CTSB: variants seen among roughly 807,000 people sequenced by gnomAD.
CTSB encodes APP secretase.
A neutral mutation model predicts 44.3 loss-of-function variants in CTSB; 57 were observed. The ratio of observed to expected loss-of-function variants is 1.29; its 90% CI spans 1.04 to 1.60. The LOEUF (loss-of-function observed/expected upper bound fraction) is 1.60. Among genes scored for constraint, CTSB ranks in the 40% most tolerant of loss-of-function variants. The probability of loss-of-function intolerance (pLI) is 0.00; values close to 1 mark genes in which losing one functional copy is unlikely to be tolerated. For synonymous variants in CTSB, 320 were observed against 168.0 expected (o/e 1.91, Z -7.00); for missense variants, 768 against 443.0 (o/e 1.73, Z -6.59).
intron 9 of CTSB, 66 bp from the exon 10 acceptor site, chr8:11,845,288 C>G: frequency 8.3e-7 from 1 of 1,197,874 alleles, no homozygotes; most frequent in Non-Finnish European, 1.2e-6. Context: ...CAGACTCATC[C>G]TTAAAAGACC....
intron 1 of CTSB, among the ~76,000 whole-genome samples, chr8:11,861,982 C>T (rs1450576816): frequency 3.3e-5 from 5 of 151,936 alleles, no homozygotes; most frequent in African/African-American, 9.7e-5. Context: ...CTGAGGTGGG[C>T]GAATCACGAG....
At chr8:11,854,676 T>A (rs1815217719) in intron 1 of CTSB, 1 of 152,098 alleles carries the variant, frequency 6.6e-6, no homozygotes, top group African/African-American at 2.4e-5. Flanking sequence ...AGATGGGGTT[T>A]TACCATGTTA....
chr8:11,852,185 G>A (rs926410824), intron 3 of CTSB, among the ~76,000 whole-genome samples: 1 of 152,106 alleles, frequency 6.6e-6, no homozygotes, highest in Non-Finnish European at 1.5e-5. Flanking sequence ...AGCCTGGCCA[G>A]TATGGCGAAA....
chr8:11,842,857 A>C lies in CTSB; in HGVS notation c.*2268T>G, dbSNP rs925873263. On this transcript the variant is annotated 3_prime_UTR_variant, in exon 10 of 10. Coordinates refer to ENST00000353047, the MANE Select transcript of CTSB (RefSeq NM_001908.5). ...CACCGTGTTGCCAAGGCTGATCTCA[A>C]AACTCCTGACCTCAGGTGATCTGCC... is the stretch of plus-strand genomic sequence containing the variant. The C allele has an allele frequency of 7.3e-5, 11 of 149,950 alleles. No homozygotes were observed. Among genetic ancestry groups the C allele is most frequent in the African/African-American group, 2.2e-4 (9 of 40,296 alleles). 9.3% of individuals were successfully genotyped at this position (149,950 alleles called of 1,614,324 possible). A position where few individuals can be genotyped will look rare whatever the true frequency, so the allele number is the denominator to read the frequency against.
Position 11,844,916 on chromosome 8 carries a change from G to T in CTSB, c.*209C>A. On this transcript the variant is annotated 3_prime_UTR_variant, in exon 10 of 10. Coordinates refer to ENST00000353047, the MANE Select transcript of CTSB (RefSeq NM_001908.5). Reference sequence around the variant, plus strand: ...TACAGGGGGAAGGACGCTCTGTGCTGGCAGCGGTGGCTCACATGGCCTGTC... The same window carrying T: ...TACAGGGGGAAGGACGCTCTGTGCTTGCAGCGGTGGCTCACATGGCCTGTC... 1 of 578,096 alleles carries T rather than the reference G, an allele frequency of 1.7e-6. No individual in the cohort carries two copies. The highest frequency in any genetic ancestry group is 3.1e-6 in the Non-Finnish European group (1 of 323,096). 35.8% of individuals were successfully genotyped at this position (578,096 alleles called of 1,614,324 possible).
intron 1 of CTSB, among the ~76,000 whole-genome samples, chr8:11,856,755 G>A (rs1352613833): frequency 6.6e-6 from 1 of 151,950 alleles, no homozygotes. Flanking sequence ...TACACATGTA[G>A]GAACACTCCT....
chr8:11,846,180 T>G (rs1813295182), intron 8 of CTSB: 1 of 154,668 alleles, frequency 6.5e-6, no homozygotes, highest in Non-Finnish European at 1.4e-5. Context: ...TAATAGCTGC[T>G]CCAGGTACAC....
Position 11,848,364 on chromosome 8 carries a change from C to T in CTSB, c.447-212G>A, listed in dbSNP as rs139893107. 1.2e-5 allele frequency: 8 copies of T among 671,700 alleles called. No homozygotes were observed. In the East Asian group the frequency reaches 2.0e-4, roughly 17 times the overall value. The allele number at this position is 671,700 out of a possible 1,614,324, so 41.6% of individuals were successfully genotyped here. Reference sequence around the variant, plus strand: ...AATAACCGCCAGCCCCACCCCTGCCCACAAAGATCCGGGAGAAGACAGGAG... The same window carrying T: ...AATAACCGCCAGCCCCACCCCTGCCTACAAAGATCCGGGAGAAGACAGGAG... On this transcript the variant is annotated intron_variant, in intron 5 of 9. Transcript: ENST00000353047.
At chr8:11,847,590 C>G in intron 7 of CTSB, 89 bp downstream of exon 7, 1 of 1,419,642 alleles carries the variant, frequency 7.0e-7, no homozygotes, top group Non-Finnish European at 9.4e-7. Flanking sequence ...CAAGGCTCCT[C>G]AGCCCTGACC....
rs1166333251 is a variant in CTSB, at chr8:11,847,701, G to A, written c.654C>T (p.Thr218=). ...TACCGTAGTGCTTGTCCTGTTTGTA[G>A]GTCGGGCTGTAGCCAGGCTCACAGA... ...SKICEPGYSP[T]YKQDKHYGYN... Residue 218 remains threonine, a synonymous_variant, in exon 7 of 10, where the codon ACC becomes ACT. Transcript: ENST00000353047. 1.9e-6 allele frequency: 3 copies of A among 1,579,974 alleles called. No individual in the cohort carries two copies. The highest frequency in any genetic ancestry group is 1.4e-5 in the African/African-American group (1 of 73,528).
chr8:11,867,596 G>A (rs545984675), intron 1 of CTSB: 6 of 152,356 alleles, frequency 3.9e-5, no homozygotes, highest in African/African-American at 1.4e-4. Context: ...AGTTTGGCCC[G>A]GAGACACCGA....
In CTSB at chr8:11,847,709, T is replaced by C; in HGVS notation, c.646A>G (p.Ser216Gly). ...KCSKICEPGY[S>G]PTYKQDKHYG... ...TGCTTGTCCTGTTTGTAGGTCGGGC[T>C]GTAGCCAGGCTCACAGATCTTGCTA... The change falls in exon 7 of 10, where the codon AGC (serine) becomes GGC (glycine). Residue 216 changes from serine to glycine, a missense_variant. Transcript: ENST00000353047. The C allele has an allele frequency of 6.3e-7, 1 of 1,588,526 alleles. No homozygotes were observed. The highest frequency in any genetic ancestry group is 1.1e-5 in the South Asian group (1 of 87,470).
At chr8:11,861,810 G>C (rs1471708544) in intron 1 of CTSB, among the ~76,000 whole-genome samples, 1 of 152,184 alleles carries the variant, frequency 6.6e-6, no homozygotes, top group African/African-American at 2.4e-5. Flanking sequence ...CTGCTCATTA[G>C]TGTTCTGCCT....
rs200815124 is a variant in CTSB at position 11,848,160 on chromosome 8, G to A, written c.447-8C>T. 1.2e-6 allele frequency: 2 copies of A among 1,612,846 alleles called. No homozygotes were observed. The highest frequency in any genetic ancestry group is 1.7e-6 in the Non-Finnish European group (2 of 1,178,816). ...GGATAGCCACCATTACAGCTGAAAA[G>A]ACAGCCTCTAATGAAAACCTCTGAG... On this transcript the variant is annotated splice_region_variant and splice_polypyrimidine_tract_variant and intron_variant, in intron 5 of 9. Coordinates refer to ENST00000353047, the MANE Select transcript of CTSB (RefSeq NM_001908.5).
chr8:11,852,729 C>T lies in CTSB; in HGVS notation c.127-34G>A, dbSNP rs761503734. The T allele has an allele frequency of 3.1e-5, 49 of 1,598,260 alleles. No individual in the cohort carries two copies. In the Admixed American group the frequency reaches 8.0e-4, roughly 26 times the overall value. On this transcript the variant is annotated intron_variant, in intron 2 of 9. Coordinates refer to ENST00000353047, the MANE Select transcript of CTSB (RefSeq NM_001908.5). The stretch of plus-strand genomic sequence containing the variant: ...GAGTCACCCACTGACTGAAGGGTCT[C>T]CCGGGATGGCGGTGGATGGGCACGC...
chr8:11,859,768 A>C (rs1563426558), intron 1 of CTSB, among the ~76,000 whole-genome samples: 1 of 30,726 alleles, frequency 3.3e-5, no homozygotes, highest in Non-Finnish European at 8.2e-5. Flanking sequence ...ACTCTGTCTC[A>C]AAAAAAAAAA....
chr8:11,862,746 T>TTC (rs1429487674), intron 1 of CTSB, among the ~76,000 whole-genome samples: 5 of 152,234 alleles, frequency 3.3e-5, no homozygotes, highest in African/African-American at 9.6e-5. Context: ...TGTGTGCACA[T>TTC]TCTGCCAGAG....
At chr8:11,865,311 G>T (rs771721772) in intron 1 of CTSB, among the ~76,000 whole-genome samples, 2 of 152,188 alleles carry the variant, frequency 1.3e-5, no homozygotes, top group Non-Finnish European at 2.9e-5. Context: ...TTGGGAGGCC[G>T]AGGTGGGCGG....
At chr8:11,846,591 C>T (rs956611670) in intron 8 of CTSB, among the ~76,000 whole-genome samples, 3 of 152,180 alleles carry the variant, frequency 2.0e-5, no homozygotes, top group East Asian at 3.8e-4. Flanking sequence ...GTGTGTTCAT[C>T]CACTGGTGTG....
Sources: gnomAD v4.1 joint callset for allele counts (sites outside exome capture counted in the v4.1 genomes callset) on GRCh38, gnomAD v4.1.1 for gene constraint, MANE v1.5 for transcripts, NCBI Gene and HGNC (gene_info 2026-07-23, HGNC 2026-07-21) for gene names.